The following TMEM154 variants were observed in gnomAD, a reference collection of about 807,000 sequenced individuals.
The protein encoded by TMEM154 is transmembrane protein 154.
TMEM154 carries 27 observed loss-of-function variants against 24.5 expected under a neutral mutation model. The ratio of observed to expected loss-of-function variants is 1.10; its 90% CI spans 0.81 to 1.52. The LOEUF is 1.52. TMEM154 is among the 40% of genes most tolerant of loss of function. The pLI, the probability that TMEM154 is intolerant of heterozygous loss-of-function variation, is 0.00. For synonymous variants in TMEM154, 67 were observed against 76.8 expected, an observed-to-expected ratio of 0.87 and a Z score of 0.67; for missense variants, 228 against 213.4, an observed-to-expected ratio of 1.07 and a Z score of -0.43.
chr4:152,642,331 G>A (rs778496813), intron 5 of TMEM154, among the ~76,000 whole-genome samples: 2 of 152,022 alleles, frequency 1.3e-5, no homozygotes, highest in Non-Finnish European at 2.9e-5. Flanking sequence ...AAATACAAAT[G>A]ACATGATAAT....
chr4:152,658,317 A>G (rs1021566602), intron 1 of TMEM154, among the ~76,000 whole-genome samples: 6 of 152,364 alleles, frequency 3.9e-5, no homozygotes, highest in African/African-American at 1.4e-4. Context: ...TTATAGTAAC[A>G]AATACCTACA....
At chr4:152,637,015 G>A in intron 6 of TMEM154, among the ~76,000 whole-genome samples, 1 of 152,206 alleles carries the variant, frequency 6.6e-6, no homozygotes, top group Non-Finnish European at 1.5e-5. Flanking sequence ...TGATAATGGT[G>A]TGTCAATGTA....
At chr4:152,670,516 A>G (rs1354453424) in intron 1 of TMEM154, among the ~76,000 whole-genome samples, 1 of 152,172 alleles carries the variant, frequency 6.6e-6, no homozygotes, top group Non-Finnish European at 1.5e-5. Context: ...GAATCGCTTG[A>G]ACCCGGGAGC....
intron 1 of TMEM154, among the ~76,000 whole-genome samples, chr4:152,671,352 G>A (rs1728832306): frequency 6.6e-6 from 1 of 152,168 alleles, no homozygotes; most frequent in South Asian, 2.1e-4. Context: ...ATGAGTACAG[G>A]AGGAAATGAT....
intron 1 of TMEM154, among the ~76,000 whole-genome samples, chr4:152,668,031 T>C (rs960897695): frequency 1.3e-5 from 2 of 152,250 alleles, no homozygotes; most frequent in Non-Finnish European, 2.9e-5. Flanking sequence ...TATTTTGATG[T>C]CTTTTTAAGA....
intron 1 of TMEM154, among the ~76,000 whole-genome samples, chr4:152,677,008 G>A (rs1005700697): frequency 6.6e-6 from 1 of 152,138 alleles, no homozygotes; most frequent in African/African-American, 2.4e-5. Flanking sequence ...CACTGACAGG[G>A]CATAAAGAAC....
At chr4:152,679,250 C>CA (rs143908710) in intron 1 of TMEM154, among the ~76,000 whole-genome samples, 15,801 of 147,514 alleles carry the variant, frequency 0.11, 1,099 homozygotes, top group African/African-American at 0.2. Context: ...ACAATCAATG[C>CA]AAAAAAAAAA....
chr4:152,678,327 C>T (rs1401565691), intron 1 of TMEM154, among the ~76,000 whole-genome samples: 1 of 151,860 alleles, frequency 6.6e-6, no homozygotes, highest in African/African-American at 2.4e-5. Flanking sequence ...GAATTGCAGA[C>T]ACTAGGACTC....
intron 6 of TMEM154, among the ~76,000 whole-genome samples, chr4:152,633,295 C>A (rs918266210): frequency 3.9e-5 from 6 of 152,212 alleles, no homozygotes; most frequent in Admixed American, 6.5e-5. Context: ...CAGGCCACTC[C>A]CAGAGTGTAG....
intron 1 of TMEM154, among the ~76,000 whole-genome samples, chr4:152,665,850 T>A (rs543959596): frequency 1.3e-5 from 2 of 150,296 alleles, no homozygotes; most frequent in Non-Finnish European, 3.0e-5. Context: ...TGCAGTGGTA[T>A]GAACATGGCT....
chr4:152,654,216 G>T (rs1303706704), intron 1 of TMEM154, among the ~76,000 whole-genome samples: 1 of 152,120 alleles, frequency 6.6e-6, no homozygotes, highest in Non-Finnish European at 1.5e-5. Context: ...CTTTCAGAAG[G>T]GGCCAACTGA....
At chr4:152,655,207 TA>T (rs916236595) in intron 1 of TMEM154, among the ~76,000 whole-genome samples, 9 of 152,276 alleles carry the variant, frequency 5.9e-5, no homozygotes, top group African/African-American at 2.2e-4. Flanking sequence ...AGACAACACT[TA>T]AAGCACGGAA....
At chr4:152,646,201 G>A (rs763967429) in intron 3 of TMEM154, among the ~76,000 whole-genome samples, 76 of 152,148 alleles carry the variant, frequency 5.0e-4, no homozygotes, top group Non-Finnish European at 8.4e-4. Flanking sequence ...ACCGTTGTGG[G>A]CATGGATATA....
Position 152,679,949 on chromosome 4 carries a change from C to CA in TMEM154, c.-17dup, listed in dbSNP as rs762841062. 1.0e-5 allele frequency: 16 copies of CA among 1,603,212 alleles called. No individual in the cohort carries two copies. In the South Asian group the frequency reaches 1.8e-4, roughly 18 times the overall value. On this transcript the variant is annotated 5_prime_UTR_variant, in exon 1 of 7. Transcript: ENST00000304385. ...GAGCCTGCATGTCCGCTCGCCTCGG[C>CA]AGAGGCGCGCTCAGGATGCTGCGCC...
At chr4:152,630,376 C>T (rs1205281601) in intron 6 of TMEM154, among the ~76,000 whole-genome samples, 1 of 143,598 alleles carries the variant, frequency 7.0e-6, no homozygotes, top group African/African-American at 2.5e-5. Context: ...TGGTTGAAAA[C>T]TTAGAAATGT....
In TMEM154 at chr4:152,625,726, G is replaced by A. The variant is rs1270450713; in HGVS notation, c.*2820C>T. ...GTCAGGTGAGAAGAAGTAGCACATA[G>A]TGAAAATGAATATAATAATTTTACA... On this transcript the variant is annotated 3_prime_UTR_variant, in exon 7 of 7. Transcript: ENST00000304385. 6.7e-6 allele frequency: 1 copy of A among 149,914 alleles called. No homozygotes were observed. Among genetic ancestry groups the A allele is most frequent in the Admixed American group, 6.7e-5 (1 of 15,028 alleles). 9.3% of individuals were successfully genotyped at this position (149,914 alleles called of 1,614,324 possible).
chr4:152,659,748 T>C (rs999895285), intron 1 of TMEM154, among the ~76,000 whole-genome samples: 1 of 152,200 alleles, frequency 6.6e-6, no homozygotes, highest in African/African-American at 2.4e-5. Flanking sequence ...AAGCGGAACA[T>C]GTTTCAAGGC....
At chr4:152,644,181 A>G (rs567507882) in intron 4 of TMEM154, among the ~76,000 whole-genome samples, 1 of 152,354 alleles carries the variant, frequency 6.6e-6, no homozygotes, top group Non-Finnish European at 1.5e-5. Flanking sequence ...TGAATGTAGG[A>G]CAATGAAATA....
intron 1 of TMEM154, among the ~76,000 whole-genome samples, chr4:152,654,238 C>T (rs761590133): frequency 2.0e-5 from 3 of 152,032 alleles, no homozygotes; most frequent in African/African-American, 7.2e-5. Context: ...GAAAATACCT[C>T]GTAAGTTGAT....
Sources: gnomAD v4.1 joint callset for allele counts (sites outside exome capture counted in the v4.1 genomes callset) on GRCh38, gnomAD v4.1.1 for gene constraint, MANE v1.5 for transcripts, NCBI Gene and HGNC (gene_info 2026-07-23, HGNC 2026-07-21) for gene names.